The following LPP variants were observed in gnomAD, a reference collection of about 807,000 sequenced individuals.
LPP encodes lipoma-preferred partner.
Under a neutral mutation model 60.4 loss-of-function variants are expected in LPP, and 38 were observed. That is an observed-to-expected ratio of 0.63 (90% CI 0.49 to 0.83). The LOEUF is 0.83. Among genes scored for constraint, LPP ranks in the 40% least tolerant of loss-of-function variants. The probability of loss-of-function intolerance (pLI) is 0.00; values close to 1 mark genes in which losing one functional copy is unlikely to be tolerated. For missense variants in LPP, 902 were observed against 783.6 expected (o/e 1.15, Z -1.80); for synonymous variants, 328 against 290.8 (o/e 1.13, Z -1.30).
chr3:188,411,235 G>A (rs1014338584), intron 4 of LPP, among the ~76,000 whole-genome samples: 9 of 152,010 alleles, frequency 5.9e-5, no homozygotes, highest in African/African-American at 2.2e-4. Flanking sequence ...CCTTACTCCT[G>A]CAAGAATAGT....
intron 9 of LPP, among the ~76,000 whole-genome samples, chr3:188,842,210 A>G (rs1760210052): frequency 6.6e-6 from 1 of 152,202 alleles, no homozygotes; most frequent in South Asian, 2.1e-4. Flanking sequence ...TTTTGGATAA[A>G]AGCCATTTTA....
At chr3:188,405,447 C>T (rs1783232509) in intron 3 of LPP, among the ~76,000 whole-genome samples, 1 of 152,170 alleles carries the variant, frequency 6.6e-6, no homozygotes, top group Admixed American at 6.5e-5. Flanking sequence ...ATTCGCCCTC[C>T]AAGCACACTA....
At chr3:188,232,504 ATTTTTTTTTTTT>A (rs71634069) in intron 2 of LPP, among the ~76,000 whole-genome samples, 3 of 103,234 alleles carry the variant, frequency 2.9e-5, no homozygotes, top group African/African-American at 7.1e-5. Flanking sequence ...ACACCCGGCT[ATTTTTTTTTTTT>A]TTTTTTTTTT....
At chr3:188,597,948 C>T (rs999266759) in intron 6 of LPP, among the ~76,000 whole-genome samples, 3 of 152,070 alleles carry the variant, frequency 2.0e-5, no homozygotes, top group Non-Finnish European at 2.9e-5. Context: ...CAAAACAAGA[C>T]GTAAGGGTTA....
At chr3:188,191,716 C>T (rs545333824) in intron 1 of LPP, among the ~76,000 whole-genome samples, 32 of 152,270 alleles carry the variant, frequency 2.1e-4, no homozygotes, top group African/African-American at 7.5e-4. Context: ...TCAACTCAGC[C>T]GTTGCTACGA....
chr3:188,796,676 C>G (rs1278410857), intron 9 of LPP, among the ~76,000 whole-genome samples: 1 of 152,126 alleles, frequency 6.6e-6, no homozygotes, highest in Non-Finnish European at 1.5e-5. Flanking sequence ...ATTTCCTGTT[C>G]CAAATAGGAG....
chr3:188,582,097 C>G (rs1370681087), intron 6 of LPP, among the ~76,000 whole-genome samples: 1 of 151,444 alleles, frequency 6.6e-6, no homozygotes, highest in Non-Finnish European at 1.5e-5. Flanking sequence ...CTTCAGGGCT[C>G]TCCTTAGTGG....
At position 188,887,619 on chromosome 3, in the gene LPP, T is replaced by C. The variant is rs1211740445; in HGVS notation, c.*13140T>C. On this transcript the variant is annotated 3_prime_UTR_variant, in exon 12 of 12. Coordinates refer to ENST00000617246, the MANE Select transcript of LPP (RefSeq NM_001375462.1). Reference sequence around the variant, plus strand: ...CAAATACATCAACATATCAGGATTATAGTGCCAAAAATAGTTAAAGTGCCT... The same window carrying C: ...CAAATACATCAACATATCAGGATTACAGTGCCAAAAATAGTTAAAGTGCCT... The C allele has an allele frequency of 9.3e-6, 2 of 214,464 alleles. No homozygotes were observed. The highest frequency in any genetic ancestry group is 2.3e-5 in the African/African-American group (1 of 44,346). The allele number at this position is 214,464 out of a possible 1,614,324, so 13.3% of individuals were successfully genotyped here.
intron 4 of LPP, among the ~76,000 whole-genome samples, chr3:188,474,769 T>C (rs1802753932): frequency 6.6e-6 from 1 of 152,226 alleles, no homozygotes; most frequent in Non-Finnish European, 1.5e-5. Context: ...GTAATTTTAC[T>C]TTTTCGCATT....
At chr3:188,494,859 G>A (rs1208101257) in intron 5 of LPP, among the ~76,000 whole-genome samples, 4 of 151,466 alleles carry the variant, frequency 2.6e-5, no homozygotes, top group Non-Finnish European at 5.9e-5. Flanking sequence ...TTGTTGTGAG[G>A]TTTCAAAGAC....
intron 3 of LPP, among the ~76,000 whole-genome samples, chr3:188,370,560 T>C (rs192269197): frequency 1.3e-5 from 2 of 152,350 alleles, no homozygotes; most frequent in Admixed American, 1.3e-4. Context: ...TACTGCAATG[T>C]GTATTGCCAG....
chr3:188,717,279 C>T (rs968033732), intron 8 of LPP, among the ~76,000 whole-genome samples: 6 of 152,176 alleles, frequency 3.9e-5, no homozygotes, highest in African/African-American at 1.4e-4. Flanking sequence ...CATGTTTTAG[C>T]TTTTTAATCT....
intron 8 of LPP, among the ~76,000 whole-genome samples, chr3:188,729,682 A>G (rs1446917122): frequency 2.0e-5 from 3 of 152,164 alleles, no homozygotes; most frequent in African/African-American, 7.2e-5. Flanking sequence ...GCAATACTGT[A>G]AGAACACTAT....
At chr3:188,582,251 A>G (rs1210466042) in intron 6 of LPP, among the ~76,000 whole-genome samples, 1 of 144,016 alleles carries the variant, frequency 6.9e-6, no homozygotes, top group Non-Finnish European at 1.5e-5. Context: ...ACCTCTGCCT[A>G]CCAGGTTCAA....
At chr3:188,282,740 A>G (rs1742546097) in intron 2 of LPP, among the ~76,000 whole-genome samples, 2 of 152,164 alleles carry the variant, frequency 1.3e-5, no homozygotes, top group South Asian at 4.1e-4. Context: ...CTTCATGCTT[A>G]GCTCAAATTC....
chr3:188,809,776 A>G (rs1276521689), intron 9 of LPP, among the ~76,000 whole-genome samples: 2 of 152,050 alleles, frequency 1.3e-5, no homozygotes, highest in African/African-American at 4.8e-5. Context: ...CCTGAATGGT[A>G]TTGTGTAAGT....
At chr3:188,645,279 AAATAAGGAAGGGTTG>A (rs1850901960) in intron 7 of LPP, among the ~76,000 whole-genome samples, 1 of 147,242 alleles carries the variant, frequency 6.8e-6, no homozygotes, top group Admixed American at 6.6e-5. Flanking sequence ...GGAAGGAAAG[AAATAAGGAAGGGTTG>A]GAGAGAGAGA....
intron 9 of LPP, among the ~76,000 whole-genome samples, chr3:188,861,892 G>A (rs56135804): frequency 0.12 from 18,172 of 149,258 alleles, 1,557 homozygotes; most frequent in Non-Finnish European, 0.18. Context: ...GCTACTCTAC[G>A]TCCTTTCATT....
At chr3:188,688,723 G>A in intron 7 of LPP, 1 of 463,950 alleles carries the variant, frequency 2.2e-6, no homozygotes. Flanking sequence ...CTTATTAAGT[G>A]CCTTTTGCAT....
Sources: allele counts gnomAD v4.1 joint callset (sites outside exome capture counted in the v4.1 genomes callset), GRCh38; gene constraint gnomAD v4.1.1; transcripts MANE v1.5; gene names NCBI Gene and HGNC (gene_info 2026-07-23, HGNC 2026-07-21).